Variants in RARB observed in about 807,000 individuals in gnomAD.
RARB encodes the protein HBV-activated protein.
In RARB, 17 loss-of-function variants were observed where a neutral mutation model predicts 51.9. The observed-to-expected ratio is 0.33, with a 90% CI of 0.22 to 0.49. RARB has a LOEUF of 0.49. Ranked by LOEUF, RARB falls within the 20% of genes least tolerant of loss-of-function variation. RARB has a pLI of 0.99. For missense variants in RARB, 369 were observed against 550.8 expected, an observed-to-expected ratio of 0.67 and a Z score of 3.30; for synonymous variants, 215 against 195.4, an observed-to-expected ratio of 1.10 and a Z score of -0.84.
intron 1 of RARB, among the ~76,000 whole-genome samples, chr3:25,440,044 A>T (rs1708596264): frequency 6.6e-6 from 1 of 152,108 alleles, no homozygotes; most frequent in Non-Finnish European, 1.5e-5. Flanking sequence ...TGAATCCATA[A>T]CACCTCCCTT....
intron 3 of RARB, among the ~76,000 whole-genome samples, chr3:25,544,922 G>C (rs1024048738): frequency 6.6e-6 from 1 of 152,002 alleles, no homozygotes; most frequent in African/African-American, 2.4e-5. Flanking sequence ...AAGAAATCAG[G>C]GATTTTATTC....
intron 3 of RARB, among the ~76,000 whole-genome samples, chr3:25,130,506 A>C (rs78178311): frequency 2.2e-3 from 339 of 152,018 alleles, no homozygotes; most frequent in African/African-American, 7.4e-3. Context: ...TAGTGGCCAG[A>C]TTAGTAATGG....
intron 5 of RARB, among the ~76,000 whole-genome samples, chr3:25,346,626 C>A (rs547965348): frequency 6.6e-6 from 1 of 152,142 alleles, no homozygotes; most frequent in African/African-American, 2.4e-5. Context: ...CAGAATGTGC[C>A]CTGATTGTCT....
chr3:25,099,962 A>C (rs886094360), intron 3 of RARB, among the ~76,000 whole-genome samples: 3 of 152,170 alleles, frequency 2.0e-5, no homozygotes, highest in African/African-American at 7.2e-5. Context: ...ATCTTAATTT[A>C]CTTTAAAATA....
At chr3:25,224,341 G>C (rs769434928) in intron 5 of RARB, among the ~76,000 whole-genome samples, 4 of 151,950 alleles carry the variant, frequency 2.6e-5, no homozygotes. Context: ...AGCATATCAA[G>C]GAAAAAATAA....
chr3:25,430,664 G>A (rs902948233), intron 1 of RARB, among the ~76,000 whole-genome samples: 1 of 152,162 alleles, frequency 6.6e-6, no homozygotes, highest in African/African-American at 2.4e-5. Context: ...TGTGTCATTC[G>A]CCTAAAACTA....
At chr3:25,005,168 C>T (rs564215621) in intron 2 of RARB, among the ~76,000 whole-genome samples, 1 of 152,172 alleles carries the variant, frequency 6.6e-6, no homozygotes, top group African/African-American at 2.4e-5. Flanking sequence ...GTCCAGATTG[C>T]CACTTCTCTT....
chr3:25,059,729 G>A (rs888113034), intron 2 of RARB, among the ~76,000 whole-genome samples: 2 of 151,362 alleles, frequency 1.3e-5, no homozygotes, highest in African/African-American at 4.9e-5. Flanking sequence ...TAATAGAAGG[G>A]GAACAGCAAC....
chr3:25,471,596 G>A (rs1695697821), intron 2 of RARB, among the ~76,000 whole-genome samples: 1 of 105,410 alleles, frequency 9.5e-6, no homozygotes, highest in African/African-American at 2.7e-5. Context: ...GCAACTCTGC[G>A]TGTTTTTTTT....
intron 2 of RARB, among the ~76,000 whole-genome samples, chr3:24,907,286 G>C (rs965759460): frequency 2.6e-5 from 4 of 152,302 alleles, no homozygotes; most frequent in Middle Eastern, 3.4e-3. Flanking sequence ...CCAGTGATCT[G>C]ATGTAATAGG....
chr3:24,881,274 A>G (rs994716880), intron 2 of RARB, among the ~76,000 whole-genome samples: 3 of 152,138 alleles, frequency 2.0e-5, no homozygotes, highest in Non-Finnish European at 2.9e-5. Flanking sequence ...AGTTTCAGGT[A>G]GTATCTTTAT....
chr3:25,479,843 A>T (rs1289414486), intron 2 of RARB, among the ~76,000 whole-genome samples: 1 of 152,226 alleles, frequency 6.6e-6, no homozygotes, highest in East Asian at 1.9e-4. Flanking sequence ...GAAGTGAAAC[A>T]GACTGATAAG....
chr3:25,440,042 T>C (rs181215038), intron 1 of RARB, among the ~76,000 whole-genome samples: 12 of 152,306 alleles, frequency 7.9e-5, no homozygotes, highest in Non-Finnish European at 1.2e-4. Flanking sequence ...AATGAATCCA[T>C]AACACCTCCC....
At chr3:25,303,833 G>C (rs1233145130) in intron 5 of RARB, among the ~76,000 whole-genome samples, 1 of 152,124 alleles carries the variant, frequency 6.6e-6, no homozygotes, top group Non-Finnish European at 1.5e-5. Context: ...GTCTGGGTTT[G>C]TTTCTTAATT....
intron 5 of RARB, among the ~76,000 whole-genome samples, chr3:25,366,014 A>C (rs1254488602): frequency 1.3e-5 from 2 of 152,186 alleles, no homozygotes; most frequent in Admixed American, 1.3e-4. Context: ...ACACTTGTGC[A>C]AATATGAGCA....
chr3:25,377,267 T>C (rs9823425), intron 5 of RARB, among the ~76,000 whole-genome samples: 68,036 of 152,016 alleles, frequency 0.45, 15,592 homozygotes, highest in East Asian at 0.76. Context: ...CTTTTCTTGT[T>C]AGGCTGAATA....
intron 5 of RARB, among the ~76,000 whole-genome samples, chr3:25,362,586 C>G (rs1705979128): frequency 6.6e-6 from 1 of 152,204 alleles, no homozygotes; most frequent in African/African-American, 2.4e-5. Flanking sequence ...GCTTGAAACC[C>G]AGGGCACTTG....
chr3:25,220,509 A>G (rs1701924063), intron 5 of RARB, among the ~76,000 whole-genome samples: 2 of 152,202 alleles, frequency 1.3e-5, no homozygotes, highest in African/African-American at 4.8e-5. Context: ...ATTCCCACGT[A>G]TCAAGGGAGA....
intron 2 of RARB, among the ~76,000 whole-genome samples, chr3:25,004,651 A>G (rs962502953): frequency 1.3e-5 from 2 of 152,144 alleles, no homozygotes; most frequent in Non-Finnish European, 2.9e-5. Flanking sequence ...TTCAAACCAT[A>G]GCTTATGATA....
Sources: allele counts gnomAD v4.1 joint callset (sites outside exome capture counted in the v4.1 genomes callset), GRCh38; gene constraint gnomAD v4.1.1; transcripts MANE v1.5; gene names NCBI Gene and HGNC (gene_info 2026-07-23, HGNC 2026-07-21).